NRP1: variants seen among roughly 807,000 people sequenced by gnomAD.
The protein encoded by NRP1 is neuropilin-1.
A neutral mutation model predicts 106.7 loss-of-function variants in NRP1; 35 were observed. The observed-to-expected ratio is 0.33, with a 90% CI of 0.25 to 0.43. The LOEUF is 0.43. NRP1 is among the 20% of genes least tolerant of loss of function. NRP1 has a pLI of 1.00. For synonymous variants in NRP1, 437 were observed against 417.9 expected (o/e 1.05, Z -0.56); for missense variants, 1,024 against 1,170.4 (o/e 0.87, Z 1.83).
chr10:33,185,534 C>CT, intron 15 of NRP1, 94 bp downstream of exon 15: 1 of 930,056 alleles, frequency 1.1e-6, no homozygotes, highest in African/African-American at 1.7e-5. Context: ...CACCGAAATT[C>CT]TAGGTAGAAA....
At chr10:33,206,448 T>C in intron 10 of NRP1, 2 of 400,384 alleles carry the variant, frequency 5.0e-6, no homozygotes, top group South Asian at 3.8e-5. Flanking sequence ...AATAAACACA[T>C]TGAAAAGTAG....
chr10:33,259,789 G>A (rs1483829422), intron 4 of NRP1, among the ~76,000 whole-genome samples: 1 of 152,032 alleles, frequency 6.6e-6, no homozygotes, highest in African/African-American at 2.4e-5. Flanking sequence ...CAGATGATTT[G>A]GCTTTTTGCC....
intron 2 of NRP1, among the ~76,000 whole-genome samples, chr10:33,316,051 A>G (rs542759804): frequency 5.4e-4 from 82 of 152,334 alleles, no homozygotes; most frequent in African/African-American, 1.9e-3. Context: ...CTAGTTAAAA[A>G]TGGTTACTTC....
chr10:33,217,877 C>T (rs1265582615), intron 8 of NRP1, among the ~76,000 whole-genome samples: 1 of 152,156 alleles, frequency 6.6e-6, no homozygotes, highest in East Asian at 1.9e-4. Context: ...AATCTCTGTA[C>T]TCAGCTTTAA....
chr10:33,308,617 G>C (rs1245536770), intron 2 of NRP1, among the ~76,000 whole-genome samples: 1 of 151,906 alleles, frequency 6.6e-6, no homozygotes, highest in Non-Finnish European at 1.5e-5. Flanking sequence ...CTCTGGAGTA[G>C]CTGGGATTAT....
intron 15 of NRP1, among the ~76,000 whole-genome samples, chr10:33,183,001 A>C (rs796609219): frequency 3.3e-5 from 5 of 152,328 alleles, no homozygotes; most frequent in African/African-American, 1.2e-4. Flanking sequence ...ATCTAAATCC[A>C]GGTAGCACTG....
intron 2 of NRP1, among the ~76,000 whole-genome samples, chr10:33,318,015 T>G (rs1022994151): frequency 1.3e-5 from 2 of 152,232 alleles, no homozygotes; most frequent in Admixed American, 6.5e-5. Context: ...CGGATGCACT[T>G]CCTGTTATAG....
At chr10:33,222,997 C>T (rs569092331) in intron 7 of NRP1, among the ~76,000 whole-genome samples, 1 of 152,306 alleles carries the variant, frequency 6.6e-6, no homozygotes, top group East Asian at 1.9e-4. Context: ...AATACTCTGC[C>T]TCCCTTTCCT....
intron 2 of NRP1, among the ~76,000 whole-genome samples, chr10:33,298,310 A>G (rs1009016801): frequency 6.6e-6 from 1 of 152,094 alleles, no homozygotes; most frequent in South Asian, 2.1e-4. Flanking sequence ...GTCTCATCTC[A>G]TGGATCGGAA....
At chr10:33,241,137 A>G (rs879370192) in intron 6 of NRP1, among the ~76,000 whole-genome samples, 13 of 152,216 alleles carry the variant, frequency 8.5e-5, no homozygotes, top group Non-Finnish European at 1.2e-4. Flanking sequence ...AGGGCAGGAG[A>G]AAGGCAGTCA....
chr10:33,220,880 G>A (rs181373900), intron 8 of NRP1, among the ~76,000 whole-genome samples: 129 of 118,916 alleles, frequency 1.1e-3, no homozygotes, highest in African/African-American at 3.9e-3. Flanking sequence ...CAACCTGGGT[G>A]ACAGAGCAAG....
At chr10:33,331,003 C>T (rs1157236788) in intron 1 of NRP1, 121 bp from the exon 2 acceptor site, 6 of 778,506 alleles carry the variant, frequency 7.7e-6, no homozygotes, top group Admixed American at 3.1e-5. Flanking sequence ...TCTAAAAGGT[C>T]CCCGTAAGTC....
At chr10:33,192,257 C>T in intron 13 of NRP1, 24 bp downstream of exon 13, 1 of 1,600,172 alleles carries the variant, frequency 6.2e-7, no homozygotes, top group Non-Finnish European at 8.5e-7. Context: ...CAAAGCCATG[C>T]AGCCGAAGTG....
intron 12 of NRP1, chr10:33,194,730 G>T (rs1368013950): frequency 3.8e-6 from 2 of 527,048 alleles, no homozygotes; most frequent in Non-Finnish European, 7.8e-6. Context: ...AATGCCTTTT[G>T]TTGGGGAGGG....
rs769662040 is a variant in NRP1, at chr10:33,226,233, T to C, written c.1038A>G (p.Ser346=). The C allele has an allele frequency of 6.2e-7, 1 of 1,614,072 alleles. No individual in the cohort carries two copies. The highest frequency in any genetic ancestry group is 8.5e-7 in the Non-Finnish European group (1 of 1,180,048). The part of the protein sequence containing the change: ...VTAVGTQGAI[S]KETKKKYYVK... The stretch of plus-strand genomic sequence containing the variant: ...CATAATATTTCTTCTTGGTTTCTTT[T>C]GAAATGGCGCCCTGTGTCCCGACAG... Residue 346 remains serine (S), a synonymous_variant, in exon 7 of 17, where the codon TCA becomes TCG. Coordinates refer to ENST00000374867, the MANE Select transcript of NRP1 (RefSeq NM_003873.7).
chr10:33,319,097 C>T (rs917097210), intron 2 of NRP1, among the ~76,000 whole-genome samples: 28 of 150,592 alleles, frequency 1.9e-4, no homozygotes, highest in Non-Finnish European at 3.5e-4. Context: ...CTCTGCTTCC[C>T]GGGTTCACGC....
chr10:33,250,520 C>T lies in NRP1; in HGVS notation c.981+3508G>A, dbSNP rs557033038. On this transcript the variant is annotated intron_variant, in intron 6 of 16. Coordinates refer to ENST00000374867, the MANE Select transcript of NRP1 (RefSeq NM_003873.7). The stretch of plus-strand genomic sequence containing the variant: ...ATAGGAAGCACCCAACCCATCTCAA[C>T]GTGATTCAGCAGGGAGGTGATGGAC... 7.9e-5 allele frequency among the ~76,000 whole-genome samples: 12 copies of T among 152,296 alleles called. No homozygotes were observed. In the South Asian group the frequency reaches 1.7e-3, roughly 21 times the overall value.
chr10:33,277,151 T>C (rs1311842390), intron 2 of NRP1, among the ~76,000 whole-genome samples: 1 of 151,736 alleles, frequency 6.6e-6, no homozygotes, highest in Non-Finnish European at 1.5e-5. Context: ...AATAAAAGTT[T>C]TTAAATAACA....
intron 2 of NRP1, among the ~76,000 whole-genome samples, chr10:33,316,233 A>G (rs1847026049): frequency 1.3e-5 from 2 of 152,218 alleles, no homozygotes; most frequent in Non-Finnish European, 2.9e-5. Context: ...AATGTAACAG[A>G]AGAGATAGGA....
Sources: allele counts gnomAD v4.1 joint callset (sites outside exome capture counted in the v4.1 genomes callset), GRCh38; gene constraint gnomAD v4.1.1; transcripts MANE v1.5; gene names NCBI Gene and HGNC (gene_info 2026-07-23, HGNC 2026-07-21).